Variants in THRAP3 observed in about 807,000 individuals in gnomAD.
THRAP3 encodes the protein thyroid hormone receptor-associated protein 3.
Under a neutral mutation model 101.0 loss-of-function variants are expected in THRAP3, and 16 were observed. That is an observed-to-expected ratio of 0.16 (90% CI 0.11 to 0.24). The LOEUF (loss-of-function observed/expected upper bound fraction) is 0.24, where lower values mean the gene tolerates loss of function less well. Ranked by LOEUF, THRAP3 falls within the 10% of genes least tolerant of loss-of-function variation. The pLI is 1.00. For synonymous variants in THRAP3, 407 were observed against 422.6 expected (o/e 0.96, Z 0.45); for missense variants, 989 against 1,202.7 (o/e 0.82, Z 2.63).
At chr1:36,257,702 T>C (rs1645393118) in intron 1 of THRAP3, among the ~76,000 whole-genome samples, 1 of 152,198 alleles carries the variant, frequency 6.6e-6, no homozygotes, top group Non-Finnish European at 1.5e-5. Flanking sequence ...CTTGTTGGAA[T>C]GATAAAATTC....
rs1645917196 is a variant in THRAP3, at chr1:36,294,227, G to C, written c.2115+292G>C. Reference sequence around the variant, plus strand: ...CATGATGAGAGAAGAAACTTTTTGTGATATTTTTCTGCTTGTAAGTATTAT... The same window carrying C: ...CATGATGAGAGAAGAAACTTTTTGTCATATTTTTCTGCTTGTAAGTATTAT... On this transcript the variant is annotated intron_variant, in intron 8 of 11. Transcript: ENST00000354618. 3 of 1,165,450 alleles carry C rather than the reference G, an allele frequency of 2.6e-6. No individual in the cohort carries two copies. In the South Asian group the frequency reaches 9.2e-5, roughly 36 times the overall value. 72.2% of individuals were successfully genotyped at this position (1,165,450 alleles called of 1,614,324 possible).
intron 2 of THRAP3, among the ~76,000 whole-genome samples, chr1:36,274,076 T>TCACACACA (rs763330875): frequency 2.0e-4 from 9 of 44,744 alleles, no homozygotes; most frequent in Admixed American, 3.4e-4. Flanking sequence ...TGTGTGTGTG[T>TCACACACA]CACACACACA....
chr1:36,223,291 G>A (rs1194925107), upstream of THRAP3, among the ~76,000 whole-genome samples: 1 of 152,182 alleles, frequency 6.6e-6, no homozygotes, highest in South Asian at 2.1e-4. Flanking sequence ...ATGTGGCGTG[G>A]TCTGCTACTT....
At chr1:36,208,602 A>G in the THRAP3 span, among the ~76,000 whole-genome samples, 2 of 152,212 alleles carry the variant, frequency 1.3e-5, no homozygotes, top group Non-Finnish European at 2.9e-5. Context: ...TGAATAAACC[A>G]TAGTAATATT....
intron 4 of THRAP3, chr1:36,287,786 G>C: frequency 1.0e-6 from 1 of 985,466 alleles, no homozygotes; most frequent in South Asian, 4.7e-5. Context: ...ACCACAAGGT[G>C]GGTGTATGTC....
intron 9 of THRAP3, among the ~76,000 whole-genome samples, chr1:36,300,492 CAG>C (rs1228032334): frequency 6.6e-6 from 1 of 152,190 alleles, no homozygotes; most frequent in Non-Finnish European, 1.5e-5. Flanking sequence ...AACGCACTAA[CAG>C]ATGATAATAT....
chr1:36,262,023 T>C (rs1365577602), intron 2 of THRAP3, among the ~76,000 whole-genome samples: 1 of 152,162 alleles, frequency 6.6e-6, no homozygotes, highest in African/African-American at 2.4e-5. Context: ...TCAAGGACAG[T>C]GCTGCTCAAA....
intron 3 of THRAP3, among the ~76,000 whole-genome samples, chr1:36,283,555 T>G (rs1238305292): frequency 1.3e-5 from 2 of 152,214 alleles, no homozygotes; most frequent in African/African-American, 2.4e-5. Flanking sequence ...ACATTTTCAT[T>G]CTTTTTCCCA....
At chr1:36,294,238 G>A in intron 8 of THRAP3, 1 of 1,142,822 alleles carries the variant, frequency 8.8e-7, no homozygotes, top group Non-Finnish European at 1.1e-6. Flanking sequence ...ATATTTTTCT[G>A]CTTGTAAGTA....
intron 11 of THRAP3, among the ~76,000 whole-genome samples, chr1:36,302,221 G>C (rs142212743): frequency 9.8e-4 from 150 of 152,310 alleles, no homozygotes; most frequent in African/African-American, 3.5e-3. Flanking sequence ...GAAGTACCTG[G>C]CCTTGAGTGA....
intron 1 of THRAP3, among the ~76,000 whole-genome samples, chr1:36,244,052 G>A (rs1486586722): frequency 6.6e-6 from 1 of 151,482 alleles, no homozygotes; most frequent in African/African-American, 2.4e-5. Flanking sequence ...CGGACGGGGC[G>A]GCTGGCCGGG....
At chr1:36,294,958 T>TC (rs1247098364) in intron 8 of THRAP3, among the ~76,000 whole-genome samples, 2 of 152,156 alleles carry the variant, frequency 1.3e-5, no homozygotes, top group Admixed American at 1.3e-4. Flanking sequence ...GCAAGGTGGC[T>TC]CAAGCCTGTA....
intron 4 of THRAP3, chr1:36,288,158 T>C: frequency 6.2e-6 from 6 of 968,276 alleles, no homozygotes; most frequent in Non-Finnish European, 7.4e-6. Context: ...TTTATTTATT[T>C]ATTTATTTAT....
At chr1:36,213,518 C>G in the THRAP3 span, among the ~76,000 whole-genome samples, 9 of 152,094 alleles carry the variant, frequency 5.9e-5, no homozygotes, top group East Asian at 1.7e-3. Context: ...GCCAAGATTC[C>G]TCTGAGATTT....
At chr1:36,282,388 A>T (rs1412129341) in intron 2 of THRAP3, 145 bp from the exon 3 acceptor site, 10 of 516,204 alleles carry the variant, frequency 1.9e-5, no homozygotes, top group Non-Finnish European at 2.9e-5. Flanking sequence ...CTGGCTAATT[A>T]AAAAAAAATT....
chr1:36,295,603 T>C (rs1455945816), intron 8 of THRAP3, among the ~76,000 whole-genome samples: 5 of 149,510 alleles, frequency 3.3e-5, no homozygotes, highest in Non-Finnish European at 5.9e-5. Flanking sequence ...CTCCCTCCCT[T>C]CCTTCTTCCC....
rs145676394 is a variant in THRAP3, at chr1:36,304,817, C to G, written c.*800C>G. The stretch of plus-strand genomic sequence containing the variant: ...CTAGTCCTGCTGATCCTCCCAGCAA[C>G]GGGGTGGAAACTGGAGGGCAGTGTC... On this transcript the variant is annotated 3_prime_UTR_variant, in exon 12 of 12. Coordinates refer to ENST00000354618, the MANE Select transcript of THRAP3 (RefSeq NM_005119.4). 4.8e-6 allele frequency: 1 copy of G among 208,470 alleles called. No individual in the cohort carries two copies. Among genetic ancestry groups the G allele is most frequent in the East Asian group, 7.2e-5 (1 of 13,886 alleles). The allele number at this position is 208,470 out of a possible 1,614,324, so 12.9% of individuals were successfully genotyped here.
intron 1 of THRAP3, among the ~76,000 whole-genome samples, chr1:36,249,133 C>G (rs1028079765): frequency 6.6e-6 from 1 of 151,634 alleles, no homozygotes; most frequent in Non-Finnish European, 1.5e-5. Flanking sequence ...GGCTGTCCAC[C>G]TGGGCCTCCC....
chr1:36,220,612 G>T (rs1644897857), upstream of THRAP3, among the ~76,000 whole-genome samples: 1 of 152,032 alleles, frequency 6.6e-6, no homozygotes, highest in Non-Finnish European at 1.5e-5. Context: ...GAAACCCAGT[G>T]CAGGAAAATC....
Sources: allele counts gnomAD v4.1 joint callset (sites outside exome capture counted in the v4.1 genomes callset), GRCh38; gene constraint gnomAD v4.1.1; transcripts MANE v1.5; gene names NCBI Gene and HGNC (gene_info 2026-07-23, HGNC 2026-07-21).